UBE2E2: variants seen among roughly 807,000 people sequenced by gnomAD.
UBE2E2 encodes the protein ubiquitin-conjugating enzyme E2 E2.
Under a neutral mutation model 24.7 loss-of-function variants are expected in UBE2E2, and 6 were observed. That is an observed-to-expected ratio of 0.24 (90% confidence interval 0.13 to 0.48). The LOEUF is 0.48. UBE2E2 is among the 20% of genes least tolerant of loss of function. The pLI is 0.99. For missense variants in UBE2E2, 169 were observed against 245.0 expected, an observed-to-expected ratio of 0.69 and a Z score of 2.07; for synonymous variants, 104 against 83.6, an observed-to-expected ratio of 1.24 and a Z score of -1.33.
chr3:23,495,161 G>A (rs1039702007), intron 3 of UBE2E2, among the ~76,000 whole-genome samples: 4 of 152,158 alleles, frequency 2.6e-5, no homozygotes, highest in African/African-American at 4.8e-5. Flanking sequence ...CCAATTCAGA[G>A]TGATAATATT....
chr3:23,554,624 C>G (rs937346023), intron 5 of UBE2E2, among the ~76,000 whole-genome samples: 1 of 152,136 alleles, frequency 6.6e-6, no homozygotes, highest in Non-Finnish European at 1.5e-5. Flanking sequence ...TAAAACTCCT[C>G]GAAGAAAACG....
intron 3 of UBE2E2, among the ~76,000 whole-genome samples, chr3:23,462,510 A>G (rs1480444747): frequency 6.6e-6 from 1 of 152,038 alleles, no homozygotes; most frequent in Non-Finnish European, 1.5e-5. Flanking sequence ...TTCACGACGA[A>G]CCCTGAATCC....
chr3:23,310,949 C>T (rs1694366850), intron 3 of UBE2E2, among the ~76,000 whole-genome samples: 1 of 151,996 alleles, frequency 6.6e-6, no homozygotes, highest in Non-Finnish European at 1.5e-5. Flanking sequence ...TGTTGGTGTG[C>T]TGCACCCATT....
chr3:23,579,314 G>A (rs1457322485), intron 5 of UBE2E2, among the ~76,000 whole-genome samples: 1 of 151,586 alleles, frequency 6.6e-6, no homozygotes, highest in South Asian at 2.1e-4. Context: ...GAACCCAGGA[G>A]GTGGAGCTTG....
intron 3 of UBE2E2, among the ~76,000 whole-genome samples, chr3:23,377,932 T>C (rs113887709): frequency 9.5e-4 from 145 of 152,274 alleles, no homozygotes; most frequent in African/African-American, 3.3e-3. Context: ...TTTTTCTTCC[T>C]AAAAATGACT....
intron 3 of UBE2E2, among the ~76,000 whole-genome samples, chr3:23,397,371 T>G (rs1294486004): frequency 6.6e-6 from 1 of 151,104 alleles, no homozygotes; most frequent in Non-Finnish European, 1.5e-5. Context: ...TGAACAATTT[T>G]GAAAATTGTG....
intron 5 of UBE2E2, among the ~76,000 whole-genome samples, chr3:23,547,841 C>T (rs575611230): frequency 6.6e-6 from 1 of 152,270 alleles, no homozygotes; most frequent in East Asian, 1.9e-4. Flanking sequence ...ACCTCTGATA[C>T]TACCCACCCA....
Position 23,542,651 on chromosome 3 carries a change from T to C in UBE2E2, c.508+9950T>C, listed in dbSNP as rs139778294. Among the ~76,000 whole-genome samples, 642 of 152,332 alleles carry C rather than the reference T, an allele frequency of 4.2e-3. 5 individuals are homozygous for C. The highest frequency in any genetic ancestry group is 0.015 in the African/African-American group (612 of 41,582). On this transcript the variant is annotated intron_variant, in intron 5 of 5. Coordinates refer to ENST00000396703, the MANE Select transcript of UBE2E2 (RefSeq NM_152653.4). ...TATTGGCTTTTTGTTATTTTCAAAATTGATGTATCTTTATTATTTTTTCTT... is the reference window on the plus strand; with the variant it reads ...TATTGGCTTTTTGTTATTTTCAAAACTGATGTATCTTTATTATTTTTTCTT...
At chr3:23,575,191 T>C (rs572461406) in intron 5 of UBE2E2, among the ~76,000 whole-genome samples, 5 of 152,184 alleles carry the variant, frequency 3.3e-5, no homozygotes, top group Non-Finnish European at 5.9e-5. Flanking sequence ...TGTCTTTGGC[T>C]AAAAGAGATT....
chr3:23,295,363 G>A (rs1421798613), intron 3 of UBE2E2, among the ~76,000 whole-genome samples: 2 of 151,950 alleles, frequency 1.3e-5, no homozygotes, highest in East Asian at 3.9e-4. Flanking sequence ...CTAAAATTAA[G>A]GCCTTAATGC....
chr3:23,454,484 C>T (rs1372193870), intron 3 of UBE2E2, among the ~76,000 whole-genome samples: 1 of 152,146 alleles, frequency 6.6e-6, no homozygotes, highest in African/African-American at 2.4e-5. Context: ...CATCTGCTAC[C>T]TTGTATCTTT....
intron 3 of UBE2E2, among the ~76,000 whole-genome samples, chr3:23,360,309 A>C (rs902049618): frequency 2.4e-4 from 37 of 152,296 alleles, no homozygotes; most frequent in African/African-American, 7.9e-4. Context: ...GTGTTAAAAA[A>C]AAAGTGAGTC....
At chr3:23,515,534 T>C (rs1169944149) in intron 4 of UBE2E2, among the ~76,000 whole-genome samples, 1 of 152,104 alleles carries the variant, frequency 6.6e-6, no homozygotes, top group African/African-American at 2.4e-5. Flanking sequence ...TCCTTGGACA[T>C]GGATACCATC....
At chr3:23,568,355 T>C (rs1485865924) in intron 5 of UBE2E2, among the ~76,000 whole-genome samples, 2 of 152,130 alleles carry the variant, frequency 1.3e-5, no homozygotes, top group East Asian at 3.8e-4. Flanking sequence ...GTGGGTGGAC[T>C]ACATGTGAGG....
chr3:23,234,975 A>T (rs2125334203), intron 3 of UBE2E2, among the ~76,000 whole-genome samples: 1 of 152,310 alleles, frequency 6.6e-6, no homozygotes. Flanking sequence ...AAGTGAAATG[A>T]GATAAGCTAA....
At chr3:23,580,744 A>G (rs1317117698) in intron 5 of UBE2E2, among the ~76,000 whole-genome samples, 1 of 152,208 alleles carries the variant, frequency 6.6e-6, no homozygotes, top group Non-Finnish European at 1.5e-5. Flanking sequence ...CTAAATGTTG[A>G]GAAATGAGTA....
intron 3 of UBE2E2, among the ~76,000 whole-genome samples, chr3:23,247,942 G>A (rs1212829104): frequency 6.6e-6 from 1 of 152,126 alleles, no homozygotes; most frequent in East Asian, 1.9e-4. Context: ...TTTAGACTTT[G>A]CAGTTTAAAA....
chr3:23,284,647 T>C (rs1231785854), intron 3 of UBE2E2, among the ~76,000 whole-genome samples: 1 of 152,116 alleles, frequency 6.6e-6, no homozygotes, highest in African/African-American at 2.4e-5. Context: ...GGAGTATTTG[T>C]CTTTTAAAGA....
In UBE2E2 at chr3:23,532,813, A is replaced by G. The variant is rs1201326042; in HGVS notation, c.508+112A>G. ...CACTACCACCACTGCTTCTACTACT[A>G]TTATTGTTAAATTTTCATAGTATGT... On this transcript the variant is annotated intron_variant, in intron 5 of 5. Coordinates refer to ENST00000396703, the MANE Select transcript of UBE2E2 (RefSeq NM_152653.4). 4.0e-6 allele frequency: 4 copies of G among 1,004,768 alleles called. No homozygotes were observed. In the East Asian group the frequency reaches 8.2e-5, roughly 20 times the overall value. The allele number at this position is 1,004,768 out of a possible 1,614,324, so 62.2% of individuals were successfully genotyped here. A position where few individuals can be genotyped will look rare whatever the true frequency, so the allele number is the denominator to read the frequency against.
Sources: gnomAD v4.1 joint callset for allele counts (sites outside exome capture counted in the v4.1 genomes callset) on GRCh38, gnomAD v4.1.1 for gene constraint, MANE v1.5 for transcripts, NCBI Gene and HGNC (gene_info 2026-07-23, HGNC 2026-07-21) for gene names.